PRKAA2: variants seen among roughly 807,000 people sequenced by gnomAD.
PRKAA2 encodes the protein 5'-AMP-activated protein kinase catalytic subunit alpha-2.
Under a neutral mutation model 56.3 loss-of-function variants are expected in PRKAA2, and 40 were observed. That is an observed-to-expected ratio of 0.71 (90% CI 0.55 to 0.92). PRKAA2 has a LOEUF of 0.92. Ranked by LOEUF, PRKAA2 falls within the 40% of genes least tolerant of loss-of-function variation. The pLI is 0.00. For synonymous variants in PRKAA2, 214 were observed against 234.2 expected, an observed-to-expected ratio of 0.91 and a Z score of 0.79; for missense variants, 542 against 686.9, an observed-to-expected ratio of 0.79 and a Z score of 2.36.
At chr1:56,687,001 C>G (rs1251556997) in intron 2 of PRKAA2, among the ~76,000 whole-genome samples, 1 of 151,818 alleles carries the variant, frequency 6.6e-6, no homozygotes, top group African/African-American at 2.4e-5. Context: ...TCTCGTACCT[C>G]AGTCTCCCTA....
chr1:56,647,833 C>T (rs1440543542), intron 1 of PRKAA2, among the ~76,000 whole-genome samples: 1 of 151,576 alleles, frequency 6.6e-6, no homozygotes, highest in South Asian at 2.1e-4. Context: ...AGTTTGAGAC[C>T]AGCCTGGCCA....
intron 1 of PRKAA2, among the ~76,000 whole-genome samples, chr1:56,651,969 G>A (rs1256181152): frequency 3.4e-5 from 5 of 148,362 alleles, no homozygotes; most frequent in East Asian, 2.0e-4. Context: ...AGCCTCCCCA[G>A]TAGCTGAGAC....
chr1:56,691,299 A>G (rs1197167863), intron 2 of PRKAA2, 95 bp from the exon 3 acceptor site: 1 of 743,548 alleles, frequency 1.3e-6, no homozygotes, highest in African/African-American at 1.8e-5. Context: ...GTATTATAAA[A>G]CATTGAAATA....
chr1:56,686,339 AC>A lies in PRKAA2; in HGVS notation c.237-5054del, dbSNP rs538401737. ...GGTATTATCTTTTCAATTGGAACAT[AC>A]ACAATAACTATGACTCAGCAGTTGC... On this transcript the variant is annotated intron_variant, in intron 2 of 8. Transcript: ENST00000371244. 5.9e-5 allele frequency among the ~76,000 whole-genome samples: 9 copies of A among 152,358 alleles called. No homozygotes were observed. In the South Asian group the frequency reaches 1.9e-3, roughly 32 times the overall value.
intron 1 of PRKAA2, among the ~76,000 whole-genome samples, chr1:56,667,716 T>A (rs1239254201): frequency 1.3e-5 from 2 of 152,184 alleles, no homozygotes; most frequent in African/African-American, 4.8e-5. Context: ...GTTAAACATG[T>A]ATATATACAT....
At position 56,645,468 on chromosome 1, in the gene PRKAA2, C is replaced by T. The variant is rs749587981; in HGVS notation, c.81C>T (p.Phe27=). The stretch of plus-strand genomic sequence containing the variant: ...GCGACACGCTGGGCGTCGGCACCTT[C>T]GGCAAAGTGAAGAGTTGAGTACGCG... The part of the protein sequence containing the change: ...VLGDTLGVGT[F]GKVKIGEHQL... The change falls in exon 1 of 9, where the codon TTC becomes TTT. Residue 27 remains phenylalanine, a synonymous_variant. Coordinates refer to ENST00000371244, the MANE Select transcript of PRKAA2 (RefSeq NM_006252.4). The T allele has an allele frequency of 2.7e-6, 4 of 1,497,068 alleles. No homozygotes were observed. The highest frequency in any genetic ancestry group is 1.9e-4 in the Middle Eastern group (1 of 5,286). 92.7% of individuals were successfully genotyped at this position (1,497,068 alleles called of 1,614,324 possible).
intron 2 of PRKAA2, among the ~76,000 whole-genome samples, chr1:56,685,110 A>T (rs1261361757): frequency 6.6e-6 from 1 of 152,194 alleles, no homozygotes; most frequent in Non-Finnish European, 1.5e-5. Flanking sequence ...CAAAGAACTT[A>T]AAGGCCATAT....
rs77233967 is a variant in PRKAA2, at chr1:56,704,060, T to G, written c.878T>G (p.Val293Gly). 6.2e-7 allele frequency: 1 copy of G among 1,614,066 alleles called. No individual in the cohort carries two copies. Among genetic ancestry groups the G allele is most frequent in the Admixed American group, 1.7e-5 (1 of 60,008 alleles). ...GCTAACGTCATTGATGATGAGGCTG[T>G]GAAAGAAGTGTGTGAAAAATTTGAA... Reference protein sequence around the residue: ...YDANVIDDEAVKEVCEKFECT... With the variant: ...YDANVIDDEAGKEVCEKFECT... The change falls in exon 7 of 9, where the codon GTG (valine) becomes GGG (glycine). Residue 293 changes from valine to glycine, a missense_variant. Coordinates refer to ENST00000371244, the MANE Select transcript of PRKAA2 (RefSeq NM_006252.4).
intron 2 of PRKAA2, among the ~76,000 whole-genome samples, chr1:56,678,158 C>T (rs909144667): frequency 8.5e-5 from 13 of 152,330 alleles, no homozygotes; most frequent in African/African-American, 3.1e-4. Flanking sequence ...AAACTTTTGG[C>T]TTCCAGCCTT....
Position 56,687,343 on chromosome 1 carries a change from G to A in PRKAA2, c.237-4051G>A, listed in dbSNP as rs563890951. On this transcript the variant is annotated intron_variant, in intron 2 of 8. Transcript: ENST00000371244. Reference sequence around the variant, plus strand: ...TACCTGGTTTTTAAAGCAAAGAACAGTTTAACATATATATGAATTTGAATT... The same window carrying A: ...TACCTGGTTTTTAAAGCAAAGAACAATTTAACATATATATGAATTTGAATT... Among the ~76,000 whole-genome samples, 378 of 152,194 alleles carry A rather than the reference G, an allele frequency of 2.5e-3. 3 individuals carry two copies. Among genetic ancestry groups the A allele is most frequent in the Middle Eastern group, 6.8e-3 (2 of 294 alleles).
intron 1 of PRKAA2, among the ~76,000 whole-genome samples, chr1:56,648,758 C>G (rs552396028): frequency 2.0e-5 from 3 of 152,064 alleles, no homozygotes; most frequent in Non-Finnish European, 4.4e-5. Context: ...CTAGTGGGTG[C>G]GAAATAGTAT....
At chr1:56,651,095 C>A (rs1457640666) in intron 1 of PRKAA2, among the ~76,000 whole-genome samples, 1 of 152,092 alleles carries the variant, frequency 6.6e-6, no homozygotes, top group Non-Finnish European at 1.5e-5. Flanking sequence ...TTTTCTTCCC[C>A]TCCTAAAGGA....
intron 1 of PRKAA2, among the ~76,000 whole-genome samples, chr1:56,665,468 A>T (rs1168008007): frequency 6.6e-6 from 1 of 152,220 alleles, no homozygotes; most frequent in East Asian, 1.9e-4. Flanking sequence ...GATTAGCAGC[A>T]TTGAAAGCTT....
At chr1:56,645,714 C>A (rs1390169286) in intron 1 of PRKAA2, among the ~76,000 whole-genome samples, 4 of 152,056 alleles carry the variant, frequency 2.6e-5, no homozygotes, top group Non-Finnish European at 4.4e-5. Context: ...TGAGGATGGG[C>A]GTCCTGGGTT....
chr1:56,713,255 C>A lies in PRKAA2; in HGVS notation c.*5542C>A, dbSNP rs1644380943. 1 of 152,098 alleles carries A rather than the reference C, an allele frequency of 6.6e-6. No individual in the cohort carries two copies. Among genetic ancestry groups the A allele is most frequent in the South Asian group, 2.1e-4 (1 of 4,824 alleles). 9.4% of individuals were successfully genotyped at this position (152,098 alleles called of 1,614,324 possible). The stretch of plus-strand genomic sequence containing the variant: ...TGAGTTTTAATTAAACTTCTTCATC[C>A]ATAGCCTGATAAGAATCAGGCTGGG... On this transcript the variant is annotated 3_prime_UTR_variant, in exon 9 of 9. Coordinates refer to ENST00000371244, the MANE Select transcript of PRKAA2 (RefSeq NM_006252.4).
At chr1:56,667,542 T>C (rs1223032435) in intron 1 of PRKAA2, among the ~76,000 whole-genome samples, 1 of 152,170 alleles carries the variant, frequency 6.6e-6, no homozygotes, top group Non-Finnish European at 1.5e-5. Flanking sequence ...TGCATTATAG[T>C]ATAATCATTA....
At chr1:56,705,610 G>A (rs775948519) in intron 7 of PRKAA2, among the ~76,000 whole-genome samples, 1 of 152,094 alleles carries the variant, frequency 6.6e-6, no homozygotes, top group Non-Finnish European at 1.5e-5. Flanking sequence ...ATGTTGCCCA[G>A]GCTGGTCTCA....
At position 56,706,237 on chromosome 1, in the gene PRKAA2, C is replaced by T; in HGVS notation, c.1420+19C>T. 1 of 1,608,780 alleles carries T rather than the reference C, an allele frequency of 6.2e-7. No homozygotes were observed. The highest frequency in any genetic ancestry group is 1.1e-5 in the South Asian group (1 of 89,750). Reference sequence around the variant, plus strand: ...ATTGATGGTAAGGAAGCTATGCATGCATGAGCTCTGAGAAGATAAAACTTG... The same window carrying T: ...ATTGATGGTAAGGAAGCTATGCATGTATGAGCTCTGAGAAGATAAAACTTG... On this transcript the variant is annotated intron_variant, in intron 8 of 8. Transcript: ENST00000371244.
chr1:56,707,335 C>T (rs560286838), intron 8 of PRKAA2, 140 bp from the exon 9 acceptor site: 1 of 688,006 alleles, frequency 1.5e-6, no homozygotes, highest in Non-Finnish European at 2.5e-6. Context: ...TGTGTTTCTA[C>T]AACACAGAAA....
Sources: allele counts gnomAD v4.1 joint callset (sites outside exome capture counted in the v4.1 genomes callset), GRCh38; gene constraint gnomAD v4.1.1; transcripts MANE v1.5; gene names NCBI Gene and HGNC (gene_info 2026-07-23, HGNC 2026-07-21).